Variants in SPATA16 observed in about 807,000 individuals in gnomAD.
SPATA16 encodes the protein spermatogenesis-associated protein 16.
Under a neutral mutation model 63.3 loss-of-function variants are expected in SPATA16, and 36 were observed. The ratio of observed to expected loss-of-function variants is 0.57; its 90% confidence interval spans 0.44 to 0.75. The LOEUF (loss-of-function observed/expected upper bound fraction) is 0.75, where lower values mean the gene tolerates loss of function less well. Ranked by LOEUF, SPATA16 falls within the 30% of genes least tolerant of loss-of-function variation. The probability of loss-of-function intolerance (pLI) is 0.00; values close to 1 mark genes in which losing one functional copy is unlikely to be tolerated. For synonymous variants in SPATA16, 203 were observed against 216.7 expected, an observed-to-expected ratio of 0.94 and a Z score of 0.56; for missense variants, 646 against 679.3, an observed-to-expected ratio of 0.95 and a Z score of 0.54.
chr3:172,943,590 T>C (rs899742975), intron 6 of SPATA16, among the ~76,000 whole-genome samples: 13 of 151,936 alleles, frequency 8.6e-5, no homozygotes, highest in Non-Finnish European at 1.9e-4. Flanking sequence ...AAATACAAAA[T>C]GTAGCTGGGC....
intron 6 of SPATA16, among the ~76,000 whole-genome samples, chr3:172,929,898 C>T (rs4496514): frequency 0.63 from 96,160 of 151,916 alleles, 31,019 homozygotes; most frequent in South Asian, 0.78. Context: ...TTTCCTTTTT[C>T]TTCACCAGCC....
chr3:172,955,776 GA>G (rs1321928480), intron 6 of SPATA16, among the ~76,000 whole-genome samples: 1 of 152,116 alleles, frequency 6.6e-6, no homozygotes, highest in Admixed American at 6.6e-5. Context: ...TGCATCTTTG[GA>G]AAAGCTATGT....
rs1733445298 is a variant in SPATA16, at chr3:172,952,015, G to C, written c.1081+4662C>G. 3.3e-5 allele frequency among the ~76,000 whole-genome samples: 5 copies of C among 152,238 alleles called. 1 individual carries two copies. In the South Asian group the frequency reaches 1.0e-3, roughly 32 times the overall value. Reference sequence around the variant, plus strand: ...TTCCATTTGTCTTGCTGCAGTGAAAGCTTCATAATTGTATTTTATCTCTTG... The same window carrying C: ...TTCCATTTGTCTTGCTGCAGTGAAACCTTCATAATTGTATTTTATCTCTTG... On this transcript the variant is annotated intron_variant, in intron 6 of 10. Transcript: ENST00000351008.
At chr3:173,102,093 C>T (rs569577477) in intron 2 of SPATA16, among the ~76,000 whole-genome samples, 1 of 152,116 alleles carries the variant, frequency 6.6e-6, no homozygotes, top group South Asian at 2.1e-4. Flanking sequence ...GATCCCTTTC[C>T]TTAGAGAGGT....
At position 173,058,752 on chromosome 3, in the gene SPATA16, A is replaced by G. The variant is rs1736309279; in HGVS notation, c.613-9658T>C. Among the ~76,000 whole-genome samples, 3 of 151,942 alleles carry G rather than the reference A, an allele frequency of 2.0e-5. No homozygotes were observed. In the South Asian group the frequency reaches 6.2e-4, roughly 31 times the overall value. On this transcript the variant is annotated intron_variant, in intron 2 of 10. Coordinates refer to ENST00000351008, the MANE Select transcript of SPATA16 (RefSeq NM_031955.6). ...GTTCTAAATTTGTTCACTTATTTTT[A>G]TTTAGTAAATATATAATTAATTTTA...
intron 6 of SPATA16, among the ~76,000 whole-genome samples, chr3:172,939,613 A>G (rs1267546048): frequency 6.6e-6 from 1 of 152,218 alleles, no homozygotes; most frequent in Non-Finnish European, 1.5e-5. Flanking sequence ...AACACAGACT[A>G]CGATTACACT....
rs1017029171 is a variant in SPATA16 at position 172,925,406 on chromosome 3, T to G, written c.1168A>C (p.Asn390His). ...TCCAAAAATTTTCCATCATCTTTGT[T>G]TTTGAACCCAAGAGTCAAGAGATAT... ...QQYLLTLGFK[N>H]KDDGKFLEKI... The change falls in exon 7 of 11, where the codon AAC becomes CAC. Residue 390 changes from asparagine (N) to histidine (H), a missense_variant. Physicochemically the swap from Asn to His is moderately conservative, Grantham distance 68 (BLOSUM62 1). Transcript: ENST00000351008. 1.9e-6 allele frequency: 3 copies of G among 1,613,980 alleles called. No individual in the cohort carries two copies. The highest frequency in any genetic ancestry group is 2.5e-6 in the Non-Finnish European group (3 of 1,179,990).
At chr3:172,921,694 A>G (rs1444453163) in intron 8 of SPATA16, among the ~76,000 whole-genome samples, 1 of 152,254 alleles carries the variant, frequency 6.6e-6, no homozygotes, top group Non-Finnish European at 1.5e-5. Flanking sequence ...AAAGCAAACC[A>G]AAACCAATAC....
chr3:172,921,593 G>A (rs1577090024), intron 8 of SPATA16, among the ~76,000 whole-genome samples: 1 of 151,966 alleles, frequency 6.6e-6, no homozygotes, highest in South Asian at 2.1e-4. Flanking sequence ...GAACACGAGT[G>A]GAATCTTCAT....
intron 10 of SPATA16, among the ~76,000 whole-genome samples, chr3:172,894,119 A>G (rs754302623): frequency 3.9e-5 from 6 of 152,282 alleles, no homozygotes; most frequent in South Asian, 2.1e-4. Flanking sequence ...TAAAACAGAC[A>G]TTTCACTCCA....
intron 3 of SPATA16, among the ~76,000 whole-genome samples, chr3:173,041,696 A>T (rs1735843804): frequency 6.6e-6 from 1 of 152,052 alleles, no homozygotes; most frequent in Non-Finnish European, 1.5e-5. Flanking sequence ...ATCCGAGATC[A>T]TGACAATTAT....
chr3:172,976,175 T>C (rs1461183767), intron 5 of SPATA16, among the ~76,000 whole-genome samples: 2 of 152,166 alleles, frequency 1.3e-5, no homozygotes, highest in African/African-American at 4.8e-5. Flanking sequence ...GGGTTTCATG[T>C]GGTTCATGTG....
At chr3:173,019,372 A>G (rs1735265608) in intron 4 of SPATA16, 114 bp downstream of exon 4, 1 of 941,600 alleles carries the variant, frequency 1.1e-6, no homozygotes, top group African/African-American at 1.6e-5. Context: ...AATAATTTGG[A>G]TAAAATCATA....
chr3:172,956,891 T>C, intron 5 of SPATA16, 67 bp from the exon 6 acceptor site: 1 of 1,565,596 alleles, frequency 6.4e-7, no homozygotes, highest in Non-Finnish European at 8.8e-7. Context: ...ATGTAAAAAA[T>C]ATAATTACCT....
intron 2 of SPATA16, among the ~76,000 whole-genome samples, chr3:173,099,424 C>G (rs1436210950): frequency 2.0e-5 from 3 of 152,118 alleles, no homozygotes; most frequent in African/African-American, 7.2e-5. Context: ...TAAGAAAAAA[C>G]ATAGTATATA....
intron 6 of SPATA16, among the ~76,000 whole-genome samples, chr3:172,932,910 C>T (rs577455119): frequency 1.3e-5 from 2 of 152,248 alleles, no homozygotes; most frequent in East Asian, 3.9e-4. Flanking sequence ...TGGTCTACTT[C>T]TCCAAGATCA....
chr3:172,991,162 T>A (rs190847271), intron 4 of SPATA16, among the ~76,000 whole-genome samples: 2 of 152,204 alleles, frequency 1.3e-5, no homozygotes, highest in East Asian at 3.9e-4. Context: ...GGGGTTTAGA[T>A]GTCACGGTTT....
At chr3:172,947,551 G>A (rs766356131) in intron 6 of SPATA16, among the ~76,000 whole-genome samples, 4 of 150,832 alleles carry the variant, frequency 2.7e-5, no homozygotes, top group African/African-American at 5.0e-5. Flanking sequence ...ATAGCAACAC[G>A]GTGGTGTAGG....
intron 4 of SPATA16, among the ~76,000 whole-genome samples, chr3:172,997,772 C>T (rs1022245375): frequency 6.6e-6 from 1 of 151,970 alleles, no homozygotes; most frequent in Admixed American, 6.6e-5. Flanking sequence ...GACAATTTTT[C>T]GTAAAGGATG....
Sources: allele counts gnomAD v4.1 joint callset (sites outside exome capture counted in the v4.1 genomes callset), GRCh38; gene constraint gnomAD v4.1.1; transcripts MANE v1.5; gene names NCBI Gene and HGNC (gene_info 2026-07-23, HGNC 2026-07-21).